Variants in LSM14B observed in about 807,000 individuals in gnomAD.
LSM14B encodes LSM family member 14B.
In LSM14B, 8 loss-of-function variants were observed where a neutral mutation model predicts 42.1. That is an observed-to-expected ratio of 0.19 (90% CI 0.11 to 0.34). LSM14B has a LOEUF of 0.34. Ranked by LOEUF, LSM14B falls within the 10% of genes least tolerant of loss-of-function variation. The pLI, the probability that LSM14B is intolerant of heterozygous loss-of-function variation, is 1.00. For synonymous variants in LSM14B, 219 were observed against 209.7 expected, an observed-to-expected ratio of 1.04 and a Z score of -0.38; for missense variants, 396 against 513.1, an observed-to-expected ratio of 0.77 and a Z score of 2.21.
In LSM14B at chr20:62,134,310, A is replaced by G. The variant is rs1336894602; in HGVS notation, c.*162A>G. ...GTGTTTTGGACTTAACTGAACTTGG[A>G]CATGGTCTGAGTTAGAACCACTTGT... is the stretch of plus-strand genomic sequence containing the variant. On this transcript the variant is annotated 3_prime_UTR_variant, in exon 9 of 9. Transcript: ENST00000279068. 2.1e-6 allele frequency: 1 copy of G among 471,724 alleles called. No homozygotes were observed. The highest frequency in any genetic ancestry group is 4.4e-6 in the Non-Finnish European group (1 of 227,206). The allele number at this position is 471,724 out of a possible 1,614,324, so 29.2% of individuals were successfully genotyped here. A position where few individuals can be genotyped will look rare whatever the true frequency, so the allele number is the denominator to read the frequency against.
chr20:62,123,025 C>T (rs755834011), intron 1 of LSM14B: 18 of 237,230 alleles, frequency 7.6e-5, no homozygotes, highest in South Asian at 1.6e-4. Context: ...GCACAATGGT[C>T]TCCCTGGGCT....
At position 62,126,294 on chromosome 20, in the gene LSM14B, C is replaced by T. The variant is rs199764526; in HGVS notation, c.292-10C>T. ...CCTTCGCCGTTCTCACCCGATGTCT[C>T]GTTGTTCAGTCTTCCCTGGGTTCTG... On this transcript the variant is annotated splice_polypyrimidine_tract_variant and intron_variant, in intron 2 of 8. Transcript: ENST00000279068. 3.4e-4 allele frequency: 545 copies of T among 1,613,962 alleles called. 1 individual carries two copies. The highest frequency in any genetic ancestry group is 1.2e-3 in the Middle Eastern group (7 of 5,984).
chr20:62,133,434 C>T lies in LSM14B; in HGVS notation c.1131C>T (p.Ser377=), dbSNP rs1332682640. ...GNGTTRRNPT[S]HRAGTGRV ...GGACCACCCGTCGCAACCCCACTTC[C>T]CACAGGGCCGGGACTGGCAGGGTGT... The change falls in exon 8 of 9, where the codon TCC becomes TCT. Residue 377 remains serine, a synonymous_variant. Transcript: ENST00000279068. 3 of 1,612,932 alleles carry T rather than the reference C, an allele frequency of 1.9e-6. No individual in the cohort carries two copies. The African/African-American group carries it at 4.0e-5, about 22-fold the overall frequency.
Position 62,122,505 on chromosome 20 carries a change from GC to G in LSM14B, c.-159del. 1 of 381,278 alleles carries G rather than the reference GC, an allele frequency of 2.6e-6. No individual in the cohort carries two copies. Among genetic ancestry groups the G allele is most frequent in the Non-Finnish European group, 3.6e-6 (1 of 278,004 alleles). 23.6% of individuals were successfully genotyped at this position (381,278 alleles called of 1,614,324 possible). A position where few individuals can be genotyped will look rare whatever the true frequency, so the allele number is the denominator to read the frequency against. On this transcript the variant is annotated 5_prime_UTR_variant, in exon 1 of 9. Transcript: ENST00000279068. The surrounding 1 kb of genome is among the most constrained non-coding windows in gnomAD (Gnocchi z 4.6). ...CGCGCCCCTTCTTGGTTCGCTCGGT[GC>G]CCGCGCAGGCCCCTCGGGCGGTGGC...
chr20:62,124,408 T>C (rs1486647126), intron 1 of LSM14B, among the ~76,000 whole-genome samples: 1 of 152,258 alleles, frequency 6.6e-6, no homozygotes, highest in Non-Finnish European at 1.5e-5. Flanking sequence ...TAGAGCTGTC[T>C]GTTGTCTGGA....
In LSM14B at chr20:62,133,380, G is replaced by A; in HGVS notation, c.1077G>A (p.Arg359=). Residue 359 remains arginine (R), a synonymous_variant, in exon 8 of 9, where the codon CGG becomes CGA. Coordinates refer to ENST00000279068, the MANE Select transcript of LSM14B (RefSeq NM_144703.3). The stretch of plus-strand genomic sequence containing the variant: ...GGTTTCTTCGTGGCCGCAGTTCTCG[G>A]GGCGGATTCCGAGGAGGCAGGGGCA... ...SGRFLRGRSS[R]GGFRGGRGNG... The A allele has an allele frequency of 6.2e-7, 1 of 1,613,414 alleles. No individual in the cohort carries two copies. Among genetic ancestry groups the A allele is most frequent in the East Asian group, 2.2e-5 (1 of 44,860 alleles).
intron 3 of LSM14B, 91 bp downstream of exon 3, chr20:62,126,530 C>A: frequency 6.7e-7 from 1 of 1,487,976 alleles, no homozygotes; most frequent in East Asian, 2.3e-5. Context: ...ATATGCATTC[C>A]TGTCATGCTC....
At chr20:62,125,706 G>A (rs1324762472) in intron 2 of LSM14B, among the ~76,000 whole-genome samples, 1 of 152,232 alleles carries the variant, frequency 6.6e-6, no homozygotes, top group Non-Finnish European at 1.5e-5. Flanking sequence ...CCTGGAAGGT[G>A]GGATCACACA....
chr20:62,130,536 G>T lies in LSM14B; in HGVS notation c.680G>T (p.Arg227Met). The change falls in exon 6 of 9, where the codon AGG becomes ATG. Residue 227 changes from arginine (R) to methionine (M), a missense_variant. Arg to Met is a moderately conservative substitution (Grantham distance 91, BLOSUM62 -1). Around this residue, in one of 3 missense-constraint regions of LSM14B, gnomAD observed 274 missense variants for 335.8 expected, o/e 0.82. Transcript: ENST00000279068. This position sits in a 1 kb window ranked among gnomAD's most constrained non-coding sequence, Gnocchi z 4.1. The stretch of plus-strand genomic sequence containing the variant: ...CTGTCCTTTGTCCTCACAGGAAACA[G>T]GCGAACAAGGAATCGCTCCAGAGGG... ...RRPQRRRSGN[R>M]RTRNRSRGQN... The T allele has an allele frequency of 6.2e-7, 1 of 1,613,624 alleles. No individual in the cohort carries two copies. The highest frequency in any genetic ancestry group is 8.5e-7 in the Non-Finnish European group (1 of 1,179,720).
chr20:62,131,575 A>G (rs1198783922), intron 7 of LSM14B, 69 bp downstream of exon 7: 5 of 1,570,344 alleles, frequency 3.2e-6, no homozygotes. Flanking sequence ...AGGGCTCTCA[A>G]CCTGAGGGCA....
chr20:62,133,366 G>A lies in LSM14B; in HGVS notation c.1063G>A (p.Gly355Ser). ...TFGVSGRFLRGRSSRGGFRGG... is the reference protein window; with the variant it reads ...TFGVSGRFLRSRSSRGGFRGG... ...TGGGGTGTCAGGGAGGTTTCTTCGT[G>A]GCCGCAGTTCTCGGGGCGGATTCCG... Residue 355 changes from glycine (G) to serine (S), a missense_variant, in exon 8 of 9, where the codon GGC (glycine) becomes AGC (serine). By Grantham distance (56) the Gly-to-Ser change is moderately conservative. Around this residue, in one of 3 missense-constraint regions of LSM14B, gnomAD observed 118 missense variants for 156.4 expected, o/e 0.75. Transcript: ENST00000279068. The A allele has an allele frequency of 6.2e-7, 1 of 1,613,278 alleles. No individual in the cohort carries two copies. The highest frequency in any genetic ancestry group is 8.5e-7 in the Non-Finnish European group (1 of 1,179,544).
chr20:62,133,716 G>T (rs1486648386), intron 8 of LSM14B, among the ~76,000 whole-genome samples: 2 of 152,232 alleles, frequency 1.3e-5, no homozygotes, highest in African/African-American at 4.8e-5. Context: ...TTGCAGGTAT[G>T]GGAGGTGAGG....
In LSM14B at chr20:62,122,827, C is replaced by T; in HGVS notation, c.127+34C>T. On this transcript the variant is annotated intron_variant, in intron 1 of 8. Transcript: ENST00000279068. The surrounding 1 kb of genome is among the most constrained non-coding windows in gnomAD (Gnocchi z 4.6). ...CGCCGCCCGCCCGAGCCCGCTGACCCCCGTCCGCCAACAGCCCCGGCCTGC... is the reference window on the plus strand; with the variant it reads ...CGCCGCCCGCCCGAGCCCGCTGACCTCCGTCCGCCAACAGCCCCGGCCTGC... 1.4e-6 allele frequency: 2 copies of T among 1,461,476 alleles called. No homozygotes were observed. The highest frequency in any genetic ancestry group is 1.8e-6 in the Non-Finnish European group (2 of 1,093,734). 90.5% of individuals were successfully genotyped at this position (1,461,476 alleles called of 1,614,324 possible). A position where few individuals can be genotyped will look rare whatever the true frequency, so the allele number is the denominator to read the frequency against.
rs368038421 is a variant in LSM14B at position 62,130,232 on chromosome 20, G to A, written c.609G>A (p.Pro203=). Residue 203 remains proline, a synonymous_variant, in exon 5 of 9, where the codon CCG becomes CCA. Transcript: ENST00000279068. The surrounding 1 kb of genome is among the most constrained non-coding windows in gnomAD (Gnocchi z 4.1). ...SSKTASDVVQ[P]AAVQAQGQVN... ...TTTGCGCCGTAGATGTAGTCCAGCC[G>A]GCAGCTGTGCAAGCTCAAGGGCAGG... 26 of 1,603,648 alleles carry A rather than the reference G, an allele frequency of 1.6e-5. No homozygotes were observed. The highest frequency in any genetic ancestry group is 2.0e-5 in the Non-Finnish European group (24 of 1,175,208).
At chr20:62,133,113 C>G (rs1007667591) in intron 7 of LSM14B, among the ~76,000 whole-genome samples, 177 bp from the exon 8 acceptor site, 1 of 152,200 alleles carries the variant, frequency 6.6e-6, no homozygotes, top group Non-Finnish European at 1.5e-5. Flanking sequence ...TGGTTGGAAA[C>G]GTGGCAGGGA....
At position 62,134,210 on chromosome 20, in the gene LSM14B, G is replaced by C. The variant is rs1171727452; in HGVS notation, c.*62G>C. On this transcript the variant is annotated 3_prime_UTR_variant, in exon 9 of 9. Transcript: ENST00000279068. ...ACTGACGCTGTGTGTGTCAGGACGCGAGGAAAACGCTGCACTTACAGGGAG... is the reference window on the plus strand; with the variant it reads ...ACTGACGCTGTGTGTGTCAGGACGCCAGGAAAACGCTGCACTTACAGGGAG... 2.1e-6 allele frequency: 1 copy of C among 471,046 alleles called. No individual in the cohort carries two copies. The highest frequency in any genetic ancestry group is 4.4e-6 in the Non-Finnish European group (1 of 226,992). 29.2% of individuals were successfully genotyped at this position (471,046 alleles called of 1,614,324 possible).
intron 3 of LSM14B, chr20:62,128,972 A>T: frequency 7.7e-7 from 1 of 1,304,218 alleles, no homozygotes; most frequent in Non-Finnish European, 1.0e-6. Context: ...CCAGTCCCAC[A>T]TTGTCCTGTT....
Position 62,122,550 on chromosome 20 carries a change from A to AGGC in LSM14B, c.-108_-106dup. On this transcript the variant is annotated 5_prime_UTR_variant, in exon 1 of 9. Transcript: ENST00000279068. This position sits in a 1 kb window ranked among gnomAD's most constrained non-coding sequence, Gnocchi z 4.6. ...CGGTGGCGAGGAGGCGCCCAGGCGG[A>AGGC]GGCGGCGGCGGGCGGAGGAGCGCAG... 1.3e-6 allele frequency: 1 copy of AGGC among 748,564 alleles called. No individual in the cohort carries two copies. Among genetic ancestry groups the AGGC allele is most frequent in the Non-Finnish European group, 1.6e-6 (1 of 614,326 alleles). 46.4% of individuals were successfully genotyped at this position (748,564 alleles called of 1,614,324 possible).
chr20:62,127,173 A>G (rs1288473388), intron 3 of LSM14B, among the ~76,000 whole-genome samples: 1 of 152,226 alleles, frequency 6.6e-6, no homozygotes, highest in African/African-American at 2.4e-5. Flanking sequence ...CTCGCTCAAA[A>G]ATGGTTTCAA....
Sources: allele counts gnomAD v4.1 joint callset (sites outside exome capture counted in the v4.1 genomes callset), GRCh38; gene constraint gnomAD v4.1.1; regional missense constraint gnomAD v4.1.1; non-coding constraint Gnocchi (gnomAD v3.1); transcripts MANE v1.5; gene names NCBI Gene and HGNC (gene_info 2026-07-23, HGNC 2026-07-21).